The following THSD7B variants were observed in gnomAD, a reference collection of about 807,000 sequenced individuals.
The protein encoded by THSD7B is thrombospondin type-1 domain-containing protein 7B.
Under a neutral mutation model 213.6 loss-of-function variants are expected in THSD7B, and 138 were observed. The observed-to-expected ratio is 0.65, with a 90% confidence interval of 0.56 to 0.74. THSD7B has a LOEUF of 0.74. THSD7B is among the 30% of genes least tolerant of loss of function. THSD7B has a pLI of 0.00. For synonymous variants in THSD7B, 742 were observed against 687.0 expected (o/e 1.08, Z -1.25); for missense variants, 1,931 against 1,991.5 (o/e 0.97, Z 0.58).
chr2:137,019,557 A>G (rs976562098), intron 2 of THSD7B, among the ~76,000 whole-genome samples: 2 of 152,134 alleles, frequency 1.3e-5, no homozygotes, highest in South Asian at 4.1e-4. Context: ...AGAATATGTC[A>G]TCTCACATTT....
intron 3 of THSD7B, among the ~76,000 whole-genome samples, chr2:137,082,813 G>A (rs1408182770): frequency 6.6e-6 from 1 of 152,070 alleles, no homozygotes; most frequent in Non-Finnish European, 1.5e-5. Context: ...GTTTTATTCT[G>A]AGAGTGGTAC....
chr2:136,933,094 A>G (rs1016236530), intron 2 of THSD7B, among the ~76,000 whole-genome samples: 7 of 128,294 alleles, frequency 5.5e-5, no homozygotes, highest in African/African-American at 6.4e-5. Context: ...TGTAGATTAT[A>G]TATTTTGCCC....
At chr2:137,020,764 C>T (rs1236709462) in intron 2 of THSD7B, among the ~76,000 whole-genome samples, 1 of 152,114 alleles carries the variant, frequency 6.6e-6, no homozygotes, top group Non-Finnish European at 1.5e-5. Flanking sequence ...AAGAGAAAGA[C>T]CTTTTGAGCA....
rs148910180 is a variant in THSD7B, at chr2:137,672,205, T to C, written c.4740-4319T>C. ...TAATATTTATATGTCAAATATTACATACATTGCCTTATTCAATCATAATAA... is the reference window on the plus strand; with the variant it reads ...TAATATTTATATGTCAAATATTACACACATTGCCTTATTCAATCATAATAA... On this transcript the variant is annotated intron_variant, in intron 27 of 27. Transcript: ENST00000409968. Among the ~76,000 whole-genome samples the C allele has an allele frequency of 6.7e-3, 1,016 of 152,344 alleles. 9 individuals carry two copies. The highest frequency in any genetic ancestry group is 0.027 in the Middle Eastern group (8 of 294).
chr2:137,613,654 C>T (rs1228096132), intron 17 of THSD7B, among the ~76,000 whole-genome samples: 2 of 152,134 alleles, frequency 1.3e-5, no homozygotes, highest in African/African-American at 4.8e-5. Context: ...GTTATTCACA[C>T]ATCATTTTCC....
At chr2:137,504,334 G>A (rs1182869326) in intron 15 of THSD7B, among the ~76,000 whole-genome samples, 1 of 152,172 alleles carries the variant, frequency 6.6e-6, no homozygotes, top group African/African-American at 2.4e-5. Context: ...TCCTTCCTCT[G>A]TGTATTTTTG....
intron 1 of THSD7B, 36 bp from the exon 2 acceptor site, chr2:136,882,108 G>C: frequency 7.2e-7 from 1 of 1,382,748 alleles, no homozygotes; most frequent in East Asian, 2.8e-5. Context: ...TTTCTTTACA[G>C]AAGAAACTTA....
intron 17 of THSD7B, among the ~76,000 whole-genome samples, chr2:137,605,970 T>G (rs565496330): frequency 2.0e-4 from 31 of 151,314 alleles, no homozygotes; most frequent in Admixed American, 3.3e-4. Context: ...GCCCAGCTAA[T>G]TTTTTGTATT....
intron 12 of THSD7B, among the ~76,000 whole-genome samples, chr2:137,322,283 G>A (rs1684278670): frequency 6.6e-6 from 1 of 152,102 alleles, no homozygotes; most frequent in South Asian, 2.1e-4. Flanking sequence ...TCCCGTCCCA[G>A]GTCTGCCACC....
chr2:137,475,972 G>A (rs1230418082), intron 15 of THSD7B, among the ~76,000 whole-genome samples: 2 of 152,128 alleles, frequency 1.3e-5, no homozygotes, highest in Non-Finnish European at 1.5e-5. Flanking sequence ...GTTTTTACAA[G>A]CATCTATTGT....
intron 13 of THSD7B, among the ~76,000 whole-genome samples, chr2:137,406,997 A>G (rs1686536438): frequency 6.6e-6 from 1 of 152,186 alleles, no homozygotes; most frequent in Non-Finnish European, 1.5e-5. Context: ...ATCGGAAGCC[A>G]TTACTCTGGC....
intron 17 of THSD7B, among the ~76,000 whole-genome samples, chr2:137,577,591 A>T (rs1210682509): frequency 1.3e-5 from 2 of 151,964 alleles, no homozygotes; most frequent in Admixed American, 6.6e-5. Context: ...TACATTGATC[A>T]TCCTGCTTCA....
intron 2 of THSD7B, among the ~76,000 whole-genome samples, chr2:136,920,405 T>A (rs951621976): frequency 6.6e-6 from 1 of 152,166 alleles, no homozygotes; most frequent in East Asian, 1.9e-4. Context: ...AGAAGAGACC[T>A]GTAATGGGTA....
In THSD7B at chr2:137,066,432, A is replaced by G. The variant is rs117679580; in HGVS notation, c.950+9202A>G. On this transcript the variant is annotated intron_variant, in intron 3 of 27. Coordinates refer to ENST00000409968, the MANE Select transcript of THSD7B (RefSeq NM_001316349.2). ...TGGTCTTGAACTCCTGACCTTAAAT[A>G]ATCTGCCCACTTCGGCCTCCCAAAG... is the stretch of plus-strand genomic sequence containing the variant. Among the ~76,000 whole-genome samples the G allele has an allele frequency of 3.4e-3, 518 of 151,946 alleles. 8 individuals carry two copies. In the East Asian group the frequency reaches 0.043, roughly 13 times the overall value.
intron 1 of THSD7B, among the ~76,000 whole-genome samples, chr2:136,835,625 G>T (rs565506035): frequency 6.6e-6 from 1 of 152,118 alleles, no homozygotes; most frequent in African/African-American, 2.4e-5. Context: ...TATATATTTC[G>T]TCTTTGCGGG....
At chr2:136,990,780 G>T in intron 2 of THSD7B, 2 of 668,866 alleles carry the variant, frequency 3.0e-6, no homozygotes, top group South Asian at 3.1e-5. Context: ...TTGAGATGGA[G>T]ATACTGATTA....
At chr2:137,122,568 G>A (rs776365525) in intron 5 of THSD7B, among the ~76,000 whole-genome samples, 18 of 152,178 alleles carry the variant, frequency 1.2e-4, no homozygotes, top group Admixed American at 7.2e-4. Context: ...GGTAAGGACT[G>A]TGGGTTTAGG....
At chr2:137,561,039 C>T (rs1219097571) in intron 15 of THSD7B, among the ~76,000 whole-genome samples, 1 of 152,094 alleles carries the variant, frequency 6.6e-6, no homozygotes, top group African/African-American at 2.4e-5. Context: ...GGAAAATTTT[C>T]AAGTAATTCC....
intron 2 of THSD7B, among the ~76,000 whole-genome samples, chr2:136,927,865 G>A (rs946267823): frequency 6.6e-6 from 1 of 152,186 alleles, no homozygotes; most frequent in African/African-American, 2.4e-5. Context: ...CTAACGGAGG[G>A]TCAGCAAGTT....
Sources: allele counts gnomAD v4.1 joint callset (sites outside exome capture counted in the v4.1 genomes callset), GRCh38; gene constraint gnomAD v4.1.1; transcripts MANE v1.5; gene names NCBI Gene and HGNC (gene_info 2026-07-23, HGNC 2026-07-21).